CSMD1: variants seen among roughly 807,000 people sequenced by gnomAD.
CSMD1 encodes CUB and Sushi multiple domains 1.
A neutral mutation model predicts 417.5 loss-of-function variants in CSMD1; 213 were observed. The ratio of observed to expected loss-of-function variants is 0.51; its 90% CI spans 0.46 to 0.57. CSMD1 has a LOEUF of 0.57. CSMD1 is among the 20% of genes least tolerant of loss of function. The pLI is 0.00. For missense variants in CSMD1, 6,923 were observed against 4,529.7 expected, an observed-to-expected ratio of 1.53 and a Z score of -15.17; for synonymous variants, 2,862 against 1,736.8, an observed-to-expected ratio of 1.65 and a Z score of -16.11.
chr8:4,454,926 A>G (rs946411389), intron 2 of CSMD1, among the ~76,000 whole-genome samples: 14 of 151,880 alleles, frequency 9.2e-5, no homozygotes, highest in Non-Finnish European at 1.5e-5. Context: ...AACACATCTC[A>G]CTCCAGACTC....
intron 1 of CSMD1, among the ~76,000 whole-genome samples, chr8:4,902,123 A>T (rs913899869): frequency 1.3e-5 from 2 of 152,256 alleles, no homozygotes; most frequent in African/African-American, 4.8e-5. Flanking sequence ...ACTATATATC[A>T]ATGAAGTTTG....
At chr8:4,451,213 C>T (rs926811442) in intron 2 of CSMD1, among the ~76,000 whole-genome samples, 2 of 152,056 alleles carry the variant, frequency 1.3e-5, no homozygotes, top group Admixed American at 1.3e-4. Context: ...TGCCTGTAGT[C>T]TCAACTACTT....
chr8:4,579,832 T>C (rs962735769), intron 2 of CSMD1, among the ~76,000 whole-genome samples: 3 of 152,192 alleles, frequency 2.0e-5, no homozygotes, highest in Non-Finnish European at 4.4e-5. Context: ...AATTCTAGGA[T>C]TCAATTCTCA....
intron 3 of CSMD1, among the ~76,000 whole-genome samples, chr8:4,385,531 C>T (rs1404396796): frequency 6.6e-6 from 1 of 152,082 alleles, no homozygotes. Flanking sequence ...GAATATTAAT[C>T]TCCTTTCATT....
At chr8:4,420,538 T>G (rs982856572) in intron 2 of CSMD1, among the ~76,000 whole-genome samples, 4 of 152,146 alleles carry the variant, frequency 2.6e-5, no homozygotes, top group African/African-American at 9.7e-5. Context: ...TTTAATTTTT[T>G]TCTAATAAAA....
intron 7 of CSMD1, among the ~76,000 whole-genome samples, chr8:3,705,815 G>A (rs527657050): frequency 1.3e-5 from 2 of 152,174 alleles, no homozygotes; most frequent in African/African-American, 4.8e-5. Context: ...GGGTGAAGCA[G>A]AAGTGGAGAG....
chr8:4,292,286 T>C (rs952058743), intron 3 of CSMD1, among the ~76,000 whole-genome samples: 2 of 152,170 alleles, frequency 1.3e-5, no homozygotes, highest in Non-Finnish European at 2.9e-5. Flanking sequence ...AGAGTCTCGC[T>C]CTGTCGCCCA....
At chr8:4,748,740 G>C (rs139799803) in intron 1 of CSMD1, among the ~76,000 whole-genome samples, 123 of 152,292 alleles carry the variant, frequency 8.1e-4, no homozygotes, top group African/African-American at 2.9e-3. Flanking sequence ...AAAGTAAAAT[G>C]CATTTTTACA....
intron 12 of CSMD1, among the ~76,000 whole-genome samples, chr8:3,429,819 T>A (rs1160345041): frequency 6.6e-6 from 1 of 152,164 alleles, no homozygotes; most frequent in Non-Finnish European, 1.5e-5. Flanking sequence ...TTACAGATAG[T>A]CCCACCTCCC....
chr8:4,584,423 C>A (rs1290098660), intron 2 of CSMD1, among the ~76,000 whole-genome samples: 1 of 152,048 alleles, frequency 6.6e-6, no homozygotes, highest in African/African-American at 2.4e-5. Context: ...GGCTAAATAC[C>A]GGGCACCTGT....
At chr8:3,063,075 C>T (rs181140165) in intron 49 of CSMD1, among the ~76,000 whole-genome samples, 2 of 152,230 alleles carry the variant, frequency 1.3e-5, no homozygotes, top group Admixed American at 1.3e-4. Flanking sequence ...CCAAGAGTCC[C>T]AGGCTCACTA....
chr8:4,882,403 T>A (rs1339370421), intron 1 of CSMD1, among the ~76,000 whole-genome samples: 1 of 151,758 alleles, frequency 6.6e-6, no homozygotes, highest in Non-Finnish European at 1.5e-5. Context: ...GGAGCGAGTT[T>A]GGCATTGTGT....
intron 17 of CSMD1, among the ~76,000 whole-genome samples, chr8:3,388,578 A>G (rs538589352): frequency 1.3e-5 from 2 of 152,320 alleles, no homozygotes; most frequent in South Asian, 4.1e-4. Flanking sequence ...TCTAAAGGTG[A>G]TCTTCGGGAT....
intron 2 of CSMD1, among the ~76,000 whole-genome samples, chr8:4,436,478 T>C (rs1273136241): frequency 6.6e-6 from 1 of 152,144 alleles, no homozygotes; most frequent in East Asian, 1.9e-4. Flanking sequence ...TGCATAATAA[T>C]CACCTCAGGT....
chr8:4,403,139 C>G (rs914214596), intron 3 of CSMD1, among the ~76,000 whole-genome samples: 8 of 152,068 alleles, frequency 5.3e-5, no homozygotes, highest in Non-Finnish European at 1.2e-4. Context: ...CCAAAATGTC[C>G]TCACTTTTTA....
chr8:4,034,838 G>A (rs888338687), intron 3 of CSMD1, among the ~76,000 whole-genome samples: 1 of 152,128 alleles, frequency 6.6e-6, no homozygotes, highest in Non-Finnish European at 1.5e-5. Context: ...AAGGTGTCCA[G>A]ATAATTGTTC....
intron 36 of CSMD1, among the ~76,000 whole-genome samples, chr8:3,182,840 A>AGAGG (rs1554454773): frequency 6.6e-5 from 3 of 45,168 alleles, no homozygotes; most frequent in African/African-American, 3.0e-4. Context: ...CTTTATAAGA[A>AGAGG]GGTGTGTGTG....
chr8:4,963,037 T>G (rs1809610451), intron 1 of CSMD1, among the ~76,000 whole-genome samples: 1 of 152,072 alleles, frequency 6.6e-6, no homozygotes, highest in South Asian at 2.1e-4. Context: ...GCCTCCCACC[T>G]TACTCCTGCA....
chr8:3,432,436 A>C (rs943589184), intron 12 of CSMD1, among the ~76,000 whole-genome samples: 1 of 152,060 alleles, frequency 6.6e-6, no homozygotes, highest in Non-Finnish European at 1.5e-5. Context: ...GTGCAAAAAT[A>C]GAAATGATAA....
Sources: allele counts gnomAD v4.1 joint callset (sites outside exome capture counted in the v4.1 genomes callset), GRCh38; gene constraint gnomAD v4.1.1; transcripts MANE v1.5; gene names NCBI Gene and HGNC (gene_info 2026-07-23, HGNC 2026-07-21).